The following AAGAB variants were observed in gnomAD, a reference collection of about 807,000 sequenced individuals.
AAGAB encodes alpha and gamma adaptin binding protein.
In AAGAB, 38 loss-of-function variants were observed where a neutral mutation model predicts 44.1. The observed-to-expected ratio is 0.86, with a 90% CI of 0.67 to 1.13. The LOEUF (loss-of-function observed/expected upper bound fraction) is 1.13. Ranked by LOEUF, AAGAB falls within the 50% of genes most tolerant of loss-of-function variation. The probability of loss-of-function intolerance (pLI) is 0.00; values close to 1 mark genes in which losing one functional copy is unlikely to be tolerated. For missense variants in AAGAB, 450 were observed against 373.8 expected (o/e 1.20, Z -1.68); for synonymous variants, 131 against 131.8 (o/e 0.99, Z 0.04).
chr15:67,202,974 G>T, intron 9 of AAGAB, 76 bp from the exon 10 acceptor site: 2 of 1,381,274 alleles, frequency 1.4e-6, no homozygotes, highest in Non-Finnish European at 2.1e-6. Context: ...ACCTTAAACT[G>T]ACTGAGACCT....
intron 1 of AAGAB, among the ~76,000 whole-genome samples, chr15:67,237,592 A>G (rs1415391511): frequency 6.6e-6 from 1 of 152,208 alleles, no homozygotes; most frequent in Admixed American, 6.5e-5. Flanking sequence ...ATGGTTATGG[A>G]GCCATGGAAG....
chr15:67,254,337 A>T, intron 1 of AAGAB: 1 of 1,292,460 alleles, frequency 7.7e-7, no homozygotes, highest in Non-Finnish European at 1.0e-6. Context: ...GTCTCACTTT[A>T]CACAGGAAGC....
chr15:67,212,699 C>T (rs1963852260), intron 5 of AAGAB, among the ~76,000 whole-genome samples: 1 of 152,146 alleles, frequency 6.6e-6, no homozygotes, highest in African/African-American at 2.4e-5. Context: ...AAAAACAATT[C>T]ATTTTTGTTT....
chr15:67,232,057 C>T (rs1165693943), intron 4 of AAGAB, among the ~76,000 whole-genome samples, 160 bp from the exon 5 acceptor site: 1 of 151,986 alleles, frequency 6.6e-6, no homozygotes, highest in Non-Finnish European at 1.5e-5. Flanking sequence ...AGTTCAAGAC[C>T]AGCCTGACCA....
intron 5 of AAGAB, among the ~76,000 whole-genome samples, chr15:67,215,567 T>A (rs1166087993): frequency 6.6e-6 from 1 of 152,212 alleles, no homozygotes; most frequent in African/African-American, 2.4e-5. Flanking sequence ...CTGCACAAAA[T>A]GTTTTTCCTG....
At chr15:67,236,872 G>T in intron 1 of AAGAB, 52 bp from the exon 2 acceptor site, 3 of 1,423,246 alleles carry the variant, frequency 2.1e-6, no homozygotes, top group South Asian at 2.7e-5. Flanking sequence ...AATATACATT[G>T]GTTGATTTTC....
Position 67,242,429 on chromosome 15 carries a change from C to CAA in AAGAB, c.74-5611_74-5610dup, listed in dbSNP as rs59817309. On this transcript the variant is annotated intron_variant, in intron 1 of 9. Transcript: ENST00000261880. ...TGGGCGACAGAGCGAGACTCCGTCT[C>CAA]AAAAAAAAAAAAAAAAAAAAAAAAA... is the stretch of plus-strand genomic sequence containing the variant. Among the ~76,000 whole-genome samples the CAA allele has an allele frequency of 3.1e-4, 18 of 58,754 alleles. 1 individual carries two copies. The highest frequency in any genetic ancestry group is 9.8e-4 in the African/African-American group (18 of 18,282). 38.5% of individuals were successfully genotyped at this position (58,754 alleles called of 152,430 possible). A position where few individuals can be genotyped will look rare whatever the true frequency, so the allele number is the denominator to read the frequency against.
At chr15:67,209,853 G>C (rs1245436171) in intron 5 of AAGAB, among the ~76,000 whole-genome samples, 1 of 151,950 alleles carries the variant, frequency 6.6e-6, no homozygotes, top group Non-Finnish European at 1.5e-5. Context: ...TTTTTGTAGA[G>C]ACAGGGTCTC....
At chr15:67,228,935 A>G (rs1011171189) in intron 5 of AAGAB, among the ~76,000 whole-genome samples, 1 of 152,108 alleles carries the variant, frequency 6.6e-6, no homozygotes, top group Non-Finnish European at 1.5e-5. Context: ...CACTGAATAC[A>G]CATGGAGATA....
At chr15:67,222,559 G>A (rs552652384) in intron 5 of AAGAB, among the ~76,000 whole-genome samples, 11 of 152,080 alleles carry the variant, frequency 7.2e-5, no homozygotes, top group African/African-American at 2.4e-4. Flanking sequence ...TCTCCCCACT[G>A]AGCCACATTT....
At chr15:67,248,423 T>A (rs1964780579) in intron 1 of AAGAB, among the ~76,000 whole-genome samples, 1 of 152,194 alleles carries the variant, frequency 6.6e-6, no homozygotes, top group South Asian at 2.1e-4. Context: ...GGCAGAATCC[T>A]CTTACCACAA....
chr15:67,215,851 C>A (rs964137679), intron 5 of AAGAB, among the ~76,000 whole-genome samples: 5 of 152,218 alleles, frequency 3.3e-5, no homozygotes, highest in South Asian at 2.1e-4. Context: ...TCAATTTATT[C>A]TTTTTCACTA....
At chr15:67,242,552 G>A (rs546656449) in intron 1 of AAGAB, among the ~76,000 whole-genome samples, 1 of 151,490 alleles carries the variant, frequency 6.6e-6, no homozygotes, top group South Asian at 2.1e-4. Context: ...GTGCTGCTCT[G>A]TCAAATATTT....
At chr15:67,208,195 C>T (rs564571482) in intron 7 of AAGAB, among the ~76,000 whole-genome samples, 1 of 151,786 alleles carries the variant, frequency 6.6e-6, no homozygotes, top group Non-Finnish European at 1.5e-5. Context: ...TATGGAAGGG[C>T]TTATAAATAT....
chr15:67,212,312 C>G (rs139343293), intron 5 of AAGAB, among the ~76,000 whole-genome samples: 1 of 151,952 alleles, frequency 6.6e-6, no homozygotes, highest in Non-Finnish European at 1.5e-5. Context: ...TATTATTTAC[C>G]TATTCGAAGA....
upstream of AAGAB, chr15:67,254,831 T>C (rs544092628): frequency 2.7e-4 from 419 of 1,539,162 alleles, no homozygotes; most frequent in East Asian, 2.7e-3. Flanking sequence ...GACGAGCGGC[T>C]CCGGCTGAAG....
chr15:67,204,618 TA>T (rs1390691452), intron 7 of AAGAB, among the ~76,000 whole-genome samples: 1 of 152,116 alleles, frequency 6.6e-6, no homozygotes, highest in South Asian at 2.1e-4. Context: ...TATCTGAGAA[TA>T]ACAGAAATGA....
intron 4 of AAGAB, among the ~76,000 whole-genome samples, chr15:67,234,792 G>C (rs963400072): frequency 6.6e-6 from 1 of 151,966 alleles, no homozygotes; most frequent in African/African-American, 2.4e-5. Context: ...CACAAAACAG[G>C]GCACAAGTTT....
At chr15:67,250,339 GCTAA>G (rs1964833099) in intron 1 of AAGAB, among the ~76,000 whole-genome samples, 1 of 152,076 alleles carries the variant, frequency 6.6e-6, no homozygotes, top group Non-Finnish European at 1.5e-5. Context: ...ACCGTGCCCA[GCTAA>G]TTTTTGAATT....
Sources: gnomAD v4.1 joint callset for allele counts (sites outside exome capture counted in the v4.1 genomes callset) on GRCh38, gnomAD v4.1.1 for gene constraint, MANE v1.5 for transcripts, NCBI Gene and HGNC (gene_info 2026-07-23, HGNC 2026-07-21) for gene names.